PITPNC1: variants seen among roughly 807,000 people sequenced by gnomAD.
The protein encoded by PITPNC1 is cytoplasmic phosphatidylinositol transfer protein 1.
Under a neutral mutation model 44.7 loss-of-function variants are expected in PITPNC1, and 18 were observed. That is an observed-to-expected ratio of 0.40 (90% CI 0.28 to 0.60). PITPNC1 has a LOEUF of 0.60. Among genes scored for constraint, PITPNC1 ranks in the 20% least tolerant of loss-of-function variants. The pLI is 0.39. For missense variants in PITPNC1, 290 were observed against 418.4 expected (o/e 0.69, Z 2.68); for synonymous variants, 141 against 149.6 (o/e 0.94, Z 0.42).
At chr17:67,678,388 A>C (rs2042642431) in intron 8 of PITPNC1, among the ~76,000 whole-genome samples, 1 of 152,138 alleles carries the variant, frequency 6.6e-6, no homozygotes, top group African/African-American at 2.4e-5. Flanking sequence ...TTGTGCAAAA[A>C]ACCTTTTCCT....
At chr17:67,405,494 T>G (rs529546567) in intron 1 of PITPNC1, among the ~76,000 whole-genome samples, 2 of 152,240 alleles carry the variant, frequency 1.3e-5, no homozygotes, top group South Asian at 4.1e-4. Context: ...GTTCAAAAAT[T>G]TTTATTTTTT....
intron 8 of PITPNC1, among the ~76,000 whole-genome samples, chr17:67,684,215 G>A (rs949216061): frequency 2.7e-5 from 4 of 150,864 alleles, no homozygotes; most frequent in Admixed American, 6.6e-5. Context: ...AGGTTCAAGC[G>A]ATTCTTGTAC....
chr17:67,671,902 C>G (rs2042520128), intron 7 of PITPNC1, among the ~76,000 whole-genome samples: 1 of 152,082 alleles, frequency 6.6e-6, no homozygotes, highest in African/African-American at 2.4e-5. Context: ...AAAAGACTTC[C>G]TCTTACTAGG....
rs186628613 is a variant in PITPNC1 at position 67,605,292 on chromosome 17, A to G, written c.367-26851A>G. Among the ~76,000 whole-genome samples, 36 of 152,128 alleles carry G rather than the reference A, an allele frequency of 2.4e-4. 1 individual carries two copies. Among genetic ancestry groups the G allele is most frequent in the Admixed American group, 2.0e-3 (30 of 15,272 alleles). On this transcript the variant is annotated intron_variant, in intron 5 of 8. Transcript: ENST00000581322. ...ACATCTCAAAATACCCACAGCCAAAACTTCTCAGCATAGCTCCCTGCATGG... is the reference window on the plus strand; with the variant it reads ...ACATCTCAAAATACCCACAGCCAAAGCTTCTCAGCATAGCTCCCTGCATGG...
intron 1 of PITPNC1, chr17:67,525,288 A>G (rs1304668514): frequency 2.6e-5 from 4 of 152,220 alleles, no homozygotes; most frequent in Admixed American, 2.0e-4. Context: ...ACGGTCTGCA[A>G]ACTTATTTCT....
At chr17:67,398,015 C>A (rs1348245284) in intron 1 of PITPNC1, among the ~76,000 whole-genome samples, 1 of 151,544 alleles carries the variant, frequency 6.6e-6, no homozygotes, top group East Asian at 1.9e-4. Flanking sequence ...ATGGTGTGAA[C>A]CCGGGAGGCG....
rs560533774 is a variant in PITPNC1, at chr17:67,652,379, A to G, written c.463-17129A>G. Among the ~76,000 whole-genome samples, 8 of 152,274 alleles carry G rather than the reference A, an allele frequency of 5.3e-5. No homozygotes were observed. In the East Asian group the frequency reaches 1.5e-3, roughly 29 times the overall value. On this transcript the variant is annotated intron_variant, in intron 6 of 8. Coordinates refer to ENST00000581322, the MANE Select transcript of PITPNC1 (RefSeq NM_012417.4). ...CAAGCCCTTTGCTCTGCCTTGTCCC[A>G]GTGCGAGATGGATGAGGCCTGCAGG...
chr17:67,592,578 TAAC>T (rs2041406854), intron 5 of PITPNC1, among the ~76,000 whole-genome samples: 1 of 152,218 alleles, frequency 6.6e-6, no homozygotes, highest in Non-Finnish European at 1.5e-5. Context: ...TCATATCTGA[TAAC>T]AAAATCATAT....
At chr17:67,686,678 G>A (rs746438158) in intron 8 of PITPNC1, among the ~76,000 whole-genome samples, 1 of 152,124 alleles carries the variant, frequency 6.6e-6, no homozygotes, top group Non-Finnish European at 1.5e-5. Context: ...AATCTATTTT[G>A]AAAGCTATGT....
intron 1 of PITPNC1, among the ~76,000 whole-genome samples, chr17:67,462,288 G>C (rs2039352119): frequency 7.0e-6 from 1 of 142,160 alleles, no homozygotes; most frequent in African/African-American, 2.7e-5. Flanking sequence ...CTGGAGTGCG[G>C]TGGTGGGATC....
chr17:67,467,679 G>C (rs1467560202), intron 1 of PITPNC1, among the ~76,000 whole-genome samples: 4 of 152,140 alleles, frequency 2.6e-5, no homozygotes, highest in Admixed American at 2.0e-4. Context: ...CAAGCTCCAA[G>C]CTCTGTATCT....
At chr17:67,416,047 T>C (rs574843221) in intron 1 of PITPNC1, among the ~76,000 whole-genome samples, 20 of 152,218 alleles carry the variant, frequency 1.3e-4, no homozygotes, top group African/African-American at 4.8e-4. Flanking sequence ...CCGTTATGTA[T>C]AGATTAATGT....
At chr17:67,483,573 T>C (rs564890835) in intron 1 of PITPNC1, among the ~76,000 whole-genome samples, 23 of 152,358 alleles carry the variant, frequency 1.5e-4, no homozygotes, top group Non-Finnish European at 2.2e-4. Context: ...GGTATGATTC[T>C]GGTTTGATCG....
chr17:67,572,907 G>A (rs943431755), intron 4 of PITPNC1, among the ~76,000 whole-genome samples: 3 of 152,084 alleles, frequency 2.0e-5, no homozygotes, highest in Admixed American at 6.5e-5. Flanking sequence ...ATGTAAAGAC[G>A]GAGGCAGAGA....
At chr17:67,669,316 A>G (rs980560315) in intron 6 of PITPNC1, among the ~76,000 whole-genome samples, 192 bp from the exon 7 acceptor site, 7 of 152,180 alleles carry the variant, frequency 4.6e-5, no homozygotes, top group African/African-American at 1.7e-4. Flanking sequence ...GGGTTTCTCC[A>G]TGTTGGTCAG....
At chr17:67,678,518 C>G (rs9891062) in intron 8 of PITPNC1, among the ~76,000 whole-genome samples, 2 of 152,004 alleles carry the variant, frequency 1.3e-5, no homozygotes, top group African/African-American at 4.8e-5. Context: ...AAACAAGCAG[C>G]CTTTTCACTC....
rs1022103016 is a variant in PITPNC1 at position 67,428,395 on chromosome 17, C to T, written c.48+50193C>T. Among the ~76,000 whole-genome samples the T allele has an allele frequency of 1.3e-5, 2 of 151,908 alleles. 1 individual carries two copies. The highest frequency in any genetic ancestry group is 3.9e-4 in the East Asian group (2 of 5,190). ...TTAAAAAATAAAAAACAAAAATTAG[C>T]AGGGCATCATGGTGCACACCTATAG... On this transcript the variant is annotated intron_variant, in intron 1 of 8. Coordinates refer to ENST00000581322, the MANE Select transcript of PITPNC1 (RefSeq NM_012417.4).
chr17:67,545,653 T>C (rs1275927610), intron 2 of PITPNC1, among the ~76,000 whole-genome samples: 1 of 152,194 alleles, frequency 6.6e-6, no homozygotes, highest in African/African-American at 2.4e-5. Context: ...ATATATAAGC[T>C]GCTGCCCATG....
intron 5 of PITPNC1, among the ~76,000 whole-genome samples, chr17:67,629,110 T>TGCCCC (rs2041932053): frequency 6.6e-6 from 1 of 152,168 alleles, no homozygotes; most frequent in African/African-American, 2.4e-5. Context: ...TAACCTGTCA[T>TGCCCC]GCCCCCCCTT....
Sources: gnomAD v4.1 joint callset for allele counts (sites outside exome capture counted in the v4.1 genomes callset) on GRCh38, gnomAD v4.1.1 for gene constraint, MANE v1.5 for transcripts, NCBI Gene and HGNC (gene_info 2026-07-23, HGNC 2026-07-21) for gene names.